Variants in ANKRD31 observed in about 807,000 individuals in gnomAD.
ANKRD31 encodes ankyrin repeat domain 31.
In ANKRD31, 147 loss-of-function variants were observed where a neutral mutation model predicts 186.0. The ratio of observed to expected loss-of-function variants is 0.79; its 90% confidence interval spans 0.69 to 0.91. The LOEUF (loss-of-function observed/expected upper bound fraction) is 0.91. Among genes scored for constraint, ANKRD31 ranks in the 40% least tolerant of loss-of-function variants. The pLI is 0.00. For missense variants in ANKRD31, 1,986 were observed against 2,148.8 expected (o/e 0.92, Z 1.50); for synonymous variants, 673 against 736.4 (o/e 0.91, Z 1.39).
intron 8 of ANKRD31, 65 bp from the exon 9 acceptor site, chr5:75,192,841 A>C: frequency 8.2e-7 from 1 of 1,222,206 alleles, no homozygotes; most frequent in Non-Finnish European, 1.1e-6. Flanking sequence ...AGAGAATTAT[A>C]CCAATTTTTG....
intron 22 of ANKRD31, among the ~76,000 whole-genome samples, chr5:75,103,813 C>T (rs1170703752): frequency 1.3e-5 from 2 of 152,044 alleles, no homozygotes; most frequent in Non-Finnish European, 2.9e-5. Flanking sequence ...AACACGTGAA[C>T]ACAGGGAGGG....
intron 1 of ANKRD31, among the ~76,000 whole-genome samples, chr5:75,233,714 G>A (rs1049589931): frequency 5.3e-5 from 8 of 152,094 alleles, no homozygotes; most frequent in Admixed American, 2.6e-4. Flanking sequence ...TCAGGAGTTC[G>A]AGACCAGCCT....
In ANKRD31 at chr5:75,105,011, T is replaced by C; in HGVS notation, c.4548A>G (p.Gln1516=). ...CTAAATTTTCCAGACTAGTGAGCTC[T>C]TGGCTGTCTTTTTCACTAGAGATTT... ...RSEISSEKDS[Q]ELTSLENLEH... The change falls in exon 22 of 26, where the codon CAA becomes CAG. Residue 1516 remains glutamine (Q), a synonymous_variant. Transcript: ENST00000506364. 6.5e-7 allele frequency: 1 copy of C among 1,536,930 alleles called. No individual in the cohort carries two copies. Among genetic ancestry groups the C allele is most frequent in the Non-Finnish European group, 8.7e-7 (1 of 1,146,818 alleles).
chr5:75,102,579 C>G (rs1045751072), intron 22 of ANKRD31, among the ~76,000 whole-genome samples: 4 of 152,242 alleles, frequency 2.6e-5, no homozygotes, highest in African/African-American at 9.6e-5. Flanking sequence ...GTGGCCTCCA[C>G]CCAGTTCGAG....
intron 5 of ANKRD31, among the ~76,000 whole-genome samples, chr5:75,205,036 T>TTG (rs146040807): frequency 0.5 from 76,353 of 151,606 alleles, 22,151 homozygotes; most frequent in African/African-American, 0.81. Flanking sequence ...CTGGATAATT[T>TTG]TGTGTGTGTG....
intron 25 of ANKRD31, among the ~76,000 whole-genome samples, chr5:75,077,504 G>C (rs1233450708): frequency 6.6e-6 from 1 of 152,074 alleles, no homozygotes; most frequent in Non-Finnish European, 1.5e-5. Flanking sequence ...TCTTTGGGGG[G>C]GGAATTAAAA....
intron 17 of ANKRD31, among the ~76,000 whole-genome samples, chr5:75,133,038 G>A (rs1750005685): frequency 6.6e-6 from 1 of 152,136 alleles, no homozygotes; most frequent in Non-Finnish European, 1.5e-5. Context: ...GGAACAACCG[G>A]TACCAGCCAC....
chr5:75,124,995 T>C (rs1749116452), intron 17 of ANKRD31, among the ~76,000 whole-genome samples: 1 of 152,154 alleles, frequency 6.6e-6, no homozygotes, highest in African/African-American at 2.4e-5. Flanking sequence ...AAAAATACCC[T>C]TGTTTTAAAG....
chr5:75,210,102 A>C (rs1304662588), intron 4 of ANKRD31, among the ~76,000 whole-genome samples: 2 of 152,188 alleles, frequency 1.3e-5, no homozygotes, highest in Admixed American at 6.5e-5. Flanking sequence ...TACTTTGAGA[A>C]TCATTGTTTT....
At chr5:75,073,237 C>T (rs1580267268) in intron 25 of ANKRD31, among the ~76,000 whole-genome samples, 1 of 151,532 alleles carries the variant, frequency 6.6e-6, no homozygotes, top group East Asian at 1.9e-4. Flanking sequence ...TTTGAGGCTG[C>T]AGTGAGCTAT....
chr5:75,099,484 T>C (rs1398313833), intron 22 of ANKRD31, among the ~76,000 whole-genome samples: 7 of 152,232 alleles, frequency 4.6e-5, no homozygotes, highest in Non-Finnish European at 1.0e-4. Flanking sequence ...TTCTATTGAT[T>C]GGAATAGTTT....
chr5:75,229,915 G>GCCACTCT (rs1300924128), intron 2 of ANKRD31, among the ~76,000 whole-genome samples: 1 of 149,812 alleles, frequency 6.7e-6, no homozygotes, highest in East Asian at 2.0e-4. Context: ...CCCAGCAAGG[G>GCCACTCT]CCACTCTCTG....
At chr5:75,229,350 G>A (rs1485159480) in intron 2 of ANKRD31, among the ~76,000 whole-genome samples, 1 of 152,120 alleles carries the variant, frequency 6.6e-6, no homozygotes, top group Non-Finnish European at 1.5e-5. Context: ...GGGTTCTAGG[G>A]CTAGGCTAGA....
intron 5 of ANKRD31, among the ~76,000 whole-genome samples, chr5:75,200,657 A>T (rs147363300): frequency 0.1 from 15,627 of 151,466 alleles, 828 homozygotes; most frequent in East Asian, 0.14. Context: ...TCACGCCTGT[A>T]ATCCCAGCAC....
chr5:75,083,222 G>T (rs1300767543), intron 24 of ANKRD31, among the ~76,000 whole-genome samples: 2 of 152,092 alleles, frequency 1.3e-5, no homozygotes, highest in African/African-American at 2.4e-5. Flanking sequence ...GTCACGTGAG[G>T]TCAGGTGTGG....
intron 25 of ANKRD31, among the ~76,000 whole-genome samples, chr5:75,073,702 C>T (rs952174070): frequency 1.3e-5 from 2 of 152,194 alleles, no homozygotes; most frequent in Admixed American, 1.3e-4. Flanking sequence ...TGAGAAAATA[C>T]CACATAATGT....
chr5:75,106,154 T>C (rs2150060717), intron 21 of ANKRD31, among the ~76,000 whole-genome samples: 1 of 152,244 alleles, frequency 6.6e-6, no homozygotes, highest in East Asian at 1.9e-4. Flanking sequence ...CTTTATCATA[T>C]ATCATGTGGC....
intron 10 of ANKRD31, among the ~76,000 whole-genome samples, chr5:75,185,066 G>T (rs1382335491): frequency 6.6e-6 from 1 of 152,146 alleles, no homozygotes; most frequent in Non-Finnish European, 1.5e-5. Flanking sequence ...GCAACAACAT[G>T]GAAGAACCTG....
intron 11 of ANKRD31, among the ~76,000 whole-genome samples, chr5:75,161,652 C>G (rs543513799): frequency 6.6e-6 from 1 of 152,318 alleles, no homozygotes; most frequent in Non-Finnish European, 1.5e-5. Flanking sequence ...ATCTTCACAG[C>G]AGCCCCTCCC....
Sources: gnomAD v4.1 joint callset for allele counts (sites outside exome capture counted in the v4.1 genomes callset) on GRCh38, gnomAD v4.1.1 for gene constraint, MANE v1.5 for transcripts, NCBI Gene and HGNC (gene_info 2026-07-23, HGNC 2026-07-21) for gene names.